GAA: variants seen among roughly 807,000 people sequenced by gnomAD.
GAA encodes alpha glucosidase.
GAA carries 88 observed loss-of-function variants against 103.9 expected under a neutral mutation model. The observed-to-expected ratio is 0.85, with a 90% CI of 0.71 to 1.01. GAA has a LOEUF of 1.01. Among genes scored for constraint, GAA ranks in the 50% least tolerant of loss-of-function variants. GAA has a pLI of 0.00. For synonymous variants in GAA, 572 were observed against 563.1 expected (o/e 1.02, Z -0.22); for missense variants, 1,350 against 1,305.3 (o/e 1.03, Z -0.53).
rs774490566 is a variant in GAA, at chr17:80,109,938, T to G, written c.1327-7T>G. ...ACCCTCACCTTGACAGGTTTCCCTC[T>G]TCCCAGGATCCTGCCATCAGCAGCT... On this transcript the variant is annotated splice_polypyrimidine_tract_variant and splice_region_variant and intron_variant, in intron 8 of 19. Coordinates refer to ENST00000302262, the MANE Select transcript of GAA (RefSeq NM_000152.5). The G allele has an allele frequency of 6.8e-6, 11 of 1,611,978 alleles. No homozygotes were observed. The highest frequency in any genetic ancestry group is 9.3e-6 in the Non-Finnish European group (11 of 1,178,764).
chr17:80,109,613 G>A (rs1297735983), intron 8 of GAA, among the ~76,000 whole-genome samples: 1 of 105,826 alleles, frequency 9.4e-6, no homozygotes, highest in Non-Finnish European at 2.3e-5. Context: ...GAGCAGGAGT[G>A]GAAACACAGA....
chr17:80,111,021 G>T lies in GAA; in HGVS notation c.1632G>T (p.Val544=). The part of the protein sequence containing the change: ...PNNELENPPY[V]PGVVGGTLQA... ...ATGAGCTGGAGAACCCACCCTACGT[G>T]CCTGGTCAGCTCGCCCCCCACCTAC... is the stretch of plus-strand genomic sequence containing the variant. The change falls in exon 11 of 20, where the codon GTG becomes GTT. Residue 544 remains valine (V), a synonymous_variant. Transcript: ENST00000302262. 6.2e-7 allele frequency: 1 copy of T among 1,613,728 alleles called. No individual in the cohort carries two copies. Among genetic ancestry groups the T allele is most frequent in the South Asian group, 1.1e-5 (1 of 91,070 alleles).
At chr17:80,112,416 A>AGGCAACTGTGCCCGCAGACATG (rs1245838743) in intron 12 of GAA, 162 bp from the exon 13 acceptor site, 22 of 901,464 alleles carry the variant, frequency 2.4e-5, no homozygotes, top group Non-Finnish European at 3.4e-5. Flanking sequence ...GCCCAGACAG[A>AGGCAACTGTGCCCGCAGACATG]GGCAACTGTG....
intron 15 of GAA, 70 bp from the exon 16 acceptor site, chr17:80,116,898 C>T: frequency 1.9e-6 from 3 of 1,570,880 alleles, no homozygotes; most frequent in Middle Eastern, 1.7e-4. Context: ...TGTGCCTCCC[C>T]AGGGTGGGCA....
intron 5 of GAA, 41 bp downstream of exon 5, chr17:80,107,937 C>G (rs1340639952): frequency 3.2e-6 from 5 of 1,547,980 alleles, no homozygotes; most frequent in East Asian, 4.7e-5. Context: ...GGGGTCTCCT[C>G]CGTGCTGCCT....
chr17:80,118,501 G>T (rs535410115), intron 18 of GAA, 144 bp downstream of exon 18: 4 of 1,379,490 alleles, frequency 2.9e-6, no homozygotes, highest in South Asian at 2.3e-5. Flanking sequence ...AGAGTGAGCA[G>T]TGGGGCCGTG....
Position 80,119,314 on chromosome 17 carries a change from CTCG to C in GAA, c.2845_2847del (p.Val949del). On this transcript the variant is annotated inframe_deletion, in exon 20 of 20. Transcript: ENST00000302262. The stretch of plus-strand genomic sequence containing the variant: ...CTCGCTGTTGATGGGAGAGCAGTTT[CTCG>C]TCAGCTGGTGTTAGCCGGGCGGAGT... 1 of 1,614,064 alleles carries C rather than the reference CTCG, an allele frequency of 6.2e-7. No individual in the cohort carries two copies. Among genetic ancestry groups the C allele is most frequent in the Non-Finnish European group, 8.5e-7 (1 of 1,179,922 alleles).
chr17:80,104,904 C>A lies in GAA; in HGVS notation c.318C>A (p.Arg106=), dbSNP rs762542246. ...TCACCCAGGAACAGTGCGAGGCCCG[C>A]GGCTGTTGCTACATCCCTGCAAAGC... The part of the protein sequence containing the change: ...KAITQEQCEA[R]GCCYIPAKQG... Residue 106 remains arginine, a synonymous_variant, in exon 2 of 20, where the codon CGC becomes CGA. Transcript: ENST00000302262. This position sits in a 1 kb window ranked among gnomAD's most constrained non-coding sequence, Gnocchi z 4.0. 2 of 1,612,364 alleles carry A rather than the reference C, an allele frequency of 1.2e-6. No homozygotes were observed. The highest frequency in any genetic ancestry group is 2.2e-5 in the East Asian group (1 of 44,842).
chr17:80,108,794 T>A lies in GAA; in HGVS notation c.1292T>A (p.Leu431Gln). Residue 431 changes from leucine to glutamine, a missense_variant, in exon 8 of 20, where the codon CTG becomes CAG. By Grantham distance (113) the Leu-to-Gln change is moderately radical. Transcript: ENST00000302262. Reference sequence around the variant, plus strand: ...GACTTCCCGGCCATGGTGCAGGAGCTGCACCAGGGCGGCCGGCGCTACATG... The same window carrying A: ...GACTTCCCGGCCATGGTGCAGGAGCAGCACCAGGGCGGCCGGCGCTACATG... Reference protein sequence around the residue: ...FRDFPAMVQELHQGGRRYMMI... With the variant: ...FRDFPAMVQEQHQGGRRYMMI... 1 of 1,606,604 alleles carries A rather than the reference T, an allele frequency of 6.2e-7. No homozygotes were observed. Among genetic ancestry groups the A allele is most frequent in the Non-Finnish European group, 8.5e-7 (1 of 1,177,052 alleles).
Position 80,119,399 on chromosome 17 carries a change from G to A in GAA, c.*68G>A. On this transcript the variant is annotated 3_prime_UTR_variant, in exon 20 of 20. Transcript: ENST00000302262. ...CCAGGGAAGCAGAGCCTGTGTGCGG[G>A]CAGCAGCTGTGTGCGGGCCTGGGGG... The A allele has an allele frequency of 2.2e-6, 3 of 1,382,912 alleles. No individual in the cohort carries two copies. Among genetic ancestry groups the A allele is most frequent in the South Asian group, 1.2e-5 (1 of 86,204 alleles). The allele number at this position is 1,382,912 out of a possible 1,614,324, so 85.7% of individuals were successfully genotyped here.
chr17:80,109,754 T>C (rs2039184548), intron 8 of GAA, among the ~76,000 whole-genome samples, 191 bp from the exon 9 acceptor site: 1 of 152,248 alleles, frequency 6.6e-6, no homozygotes, highest in Admixed American at 6.5e-5. Flanking sequence ...ATCAGCCAGC[T>C]GGTCCTGACT....
At chr17:80,107,479 C>G (rs74003611) in intron 3 of GAA, 78 bp from the exon 4 acceptor site, 5 of 1,592,166 alleles carry the variant, frequency 3.1e-6, no homozygotes, top group African/African-American at 1.3e-5. Flanking sequence ...CACCAGGGCC[C>G]GGGGGTGCTC....
rs1394655302 is a variant in GAA, at chr17:80,101,622, G to C, written c.-301G>C. 6.6e-6 allele frequency: 1 copy of C among 150,948 alleles called. No individual in the cohort carries two copies. The highest frequency in any genetic ancestry group is 2.1e-4 in the South Asian group (1 of 4,816). The allele number at this position is 150,948 out of a possible 1,614,324, so 9.4% of individuals were successfully genotyped here. On this transcript the variant is annotated 5_prime_UTR_variant, in exon 1 of 20. Transcript: ENST00000302262. ...GCGGGCGGCCAGGGCGCGCGTGCGCGGAGGTGAGCCGGGCCGGGGCTGCGG... is the reference window on the plus strand; with the variant it reads ...GCGGGCGGCCAGGGCGCGCGTGCGCCGAGGTGAGCCGGGCCGGGGCTGCGG...
In GAA at chr17:80,104,665, C is replaced by G. The variant is rs538605208; in HGVS notation, c.79C>G (p.Leu27Val). Residue 27 changes from leucine to valine, a missense_variant, in exon 2 of 20, where the codon CTG becomes GTG. By Grantham distance (32) the Leu-to-Val change is conservative. Coordinates refer to ENST00000302262, the MANE Select transcript of GAA (RefSeq NM_000152.5). This position sits in a 1 kb window ranked among gnomAD's most constrained non-coding sequence, Gnocchi z 4.0. ...ALVSLATAALLGHILLHDFLL... is the reference protein window; with the variant it reads ...ALVSLATAALVGHILLHDFLL... ...CGTGTCCTTGGCAACCGCTGCACTC[C>G]TGGGGCACATCCTACTCCATGATTT... is the stretch of plus-strand genomic sequence containing the variant. 1.2e-6 allele frequency: 2 copies of G among 1,613,388 alleles called. No homozygotes were observed. The highest frequency in any genetic ancestry group is 2.7e-5 in the African/African-American group (2 of 75,050).
Position 80,111,040 on chromosome 17 carries a change from C to G in GAA, c.1636+15C>G. 12 of 1,612,312 alleles carry G rather than the reference C, an allele frequency of 7.4e-6. No individual in the cohort carries two copies. Among genetic ancestry groups the G allele is most frequent in the Non-Finnish European group, 1.0e-5 (12 of 1,179,038 alleles). ...CTACGTGCCTGGTCAGCTCGCCCCC[C>G]ACCTACCCTGGGGACTTAATCAAAT... is the stretch of plus-strand genomic sequence containing the variant. On this transcript the variant is annotated intron_variant, in intron 11 of 19. Transcript: ENST00000302262.
chr17:80,117,240 A>G (rs750454972), intron 16 of GAA, 131 bp downstream of exon 16: 11 of 980,914 alleles, frequency 1.1e-5, no homozygotes, highest in Middle Eastern at 3.1e-4. Context: ...GCCATGTGCC[A>G]GGCCCCCACC....
intron 15 of GAA, among the ~76,000 whole-genome samples, chr17:80,115,436 C>T (rs1412643546): frequency 6.6e-6 from 1 of 152,154 alleles, no homozygotes; most frequent in Non-Finnish European, 1.5e-5. Flanking sequence ...ACGTTTCTCT[C>T]GTTAAGGATA....
Position 80,107,806 on chromosome 17 carries a change from G to T in GAA, c.865G>T (p.Ala289Ser). ...WNRDLAPTPG[A>S]NLYGSHPFYL... ...CGTCTCCTGCATGTCCCAGCCCGGT[G>T]CGAACCTCTACGGGTCTCACCCTTT... Residue 289 changes from alanine to serine, a missense_variant, in exon 5 of 20, where the codon GCG (alanine) becomes TCG (serine). Physicochemically the swap from Ala to Ser is moderately conservative, Grantham distance 99 (BLOSUM62 1). Coordinates refer to ENST00000302262, the MANE Select transcript of GAA (RefSeq NM_000152.5). 6.2e-7 allele frequency: 1 copy of T among 1,611,710 alleles called. No individual in the cohort carries two copies.
At position 80,107,850 on chromosome 17, in the gene GAA, C is replaced by T. The variant is rs752724918; in HGVS notation, c.909C>T (p.Asp303=). ...GSHPFYLALE[D]GGSAHGVFLL... is the part of the protein sequence containing the mutation. ...ACCCTTTCTACCTGGCGCTGGAGGA[C>T]GGCGGGTCGGCACACGGGGTGTTCC... The change falls in exon 5 of 20, where the codon GAC becomes GAT. Residue 303 remains aspartate, a synonymous_variant. Transcript: ENST00000302262. The T allele has an allele frequency of 1.1e-5, 17 of 1,611,938 alleles. No individual in the cohort carries two copies. Among genetic ancestry groups the T allele is most frequent in the African/African-American group, 5.3e-5 (4 of 74,878 alleles).
Sources: allele counts gnomAD v4.1 joint callset (sites outside exome capture counted in the v4.1 genomes callset), GRCh38; gene constraint gnomAD v4.1.1; non-coding constraint Gnocchi (gnomAD v3.1); transcripts MANE v1.5; gene names NCBI Gene and HGNC (gene_info 2026-07-23, HGNC 2026-07-21).